The following PIK3CB variants were observed in gnomAD, a reference collection of about 807,000 sequenced individuals.
PIK3CB encodes the protein phosphatidylinositol-4,5-bisphosphate 3-kinase catalytic subunit beta, also known as phosphatidylinositol 4,5-bisphosphate 3-kinase catalytic subunit beta isoform.
Under a neutral mutation model 136.8 loss-of-function variants are expected in PIK3CB, and 39 were observed. That is an observed-to-expected ratio of 0.29 (90% CI 0.22 to 0.37). The LOEUF is 0.37. Among genes scored for constraint, PIK3CB ranks in the 10% least tolerant of loss-of-function variants. The pLI is 1.00. For synonymous variants in PIK3CB, 428 were observed against 436.6 expected (o/e 0.98, Z 0.25); for missense variants, 868 against 1,275.4 (o/e 0.68, Z 4.87).
chr3:138,769,229 C>CACTA (rs1284372669), intron 2 of PIK3CB, among the ~76,000 whole-genome samples: 13 of 152,222 alleles, frequency 8.5e-5, no homozygotes, highest in Non-Finnish European at 1.2e-4. Context: ...CCGCTGCCAT[C>CACTA]ACTACTATTT....
intron 19 of PIK3CB, among the ~76,000 whole-genome samples, chr3:138,678,541 A>T (rs1159988874): frequency 6.6e-6 from 1 of 152,198 alleles, no homozygotes; most frequent in Non-Finnish European, 1.5e-5. Flanking sequence ...TATAGTAATC[A>T]CAATAAACAA....
At chr3:138,698,164 T>G (rs1308714538) in intron 13 of PIK3CB, among the ~76,000 whole-genome samples, 1 of 152,220 alleles carries the variant, frequency 6.6e-6, no homozygotes, top group Non-Finnish European at 1.5e-5. Flanking sequence ...CTTCACTAAA[T>G]TTTTAGTCAC....
intron 21 of PIK3CB, among the ~76,000 whole-genome samples, chr3:138,659,176 A>T (rs1577037149): frequency 6.6e-6 from 1 of 152,190 alleles, no homozygotes; most frequent in Non-Finnish European, 1.5e-5. Flanking sequence ...CAGTTATGAC[A>T]ACTAAAACTG....
chr3:138,736,893 T>C (rs2045117791), intron 6 of PIK3CB, among the ~76,000 whole-genome samples: 1 of 152,212 alleles, frequency 6.6e-6, no homozygotes, highest in Non-Finnish European at 1.5e-5. Context: ...ATTGAAAAGT[T>C]TTCCTTTAGT....
At chr3:138,667,613 G>GT (rs2043442049) in intron 19 of PIK3CB, among the ~76,000 whole-genome samples, 1 of 151,082 alleles carries the variant, frequency 6.6e-6, no homozygotes, top group Non-Finnish European at 1.5e-5. Context: ...CCAGGCTGGA[G>GT]TGCAGTGGCG....
chr3:138,771,912 A>G (rs1490441938), intron 2 of PIK3CB, among the ~76,000 whole-genome samples: 3 of 127,506 alleles, frequency 2.4e-5, no homozygotes, highest in African/African-American at 9.1e-5. Flanking sequence ...ACAGAGCAAG[A>G]CTCAGTCTCA....
intron 5 of PIK3CB, among the ~76,000 whole-genome samples, chr3:138,738,505 A>T (rs566401352): frequency 1.3e-5 from 2 of 152,258 alleles, no homozygotes; most frequent in Admixed American, 6.5e-5. Flanking sequence ...ATATATTTTT[A>T]AAAACTTACA....
intron 8 of PIK3CB, among the ~76,000 whole-genome samples, chr3:138,719,527 G>A (rs183157108): frequency 6.6e-6 from 1 of 151,988 alleles, no homozygotes; most frequent in South Asian, 2.1e-4. Flanking sequence ...CTTTAACACC[G>A]GTCTAGCGTG....
At chr3:138,787,720 C>CTT (rs879420169) in intron 2 of PIK3CB, among the ~76,000 whole-genome samples, 2 of 133,096 alleles carry the variant, frequency 1.5e-5, no homozygotes, top group African/African-American at 5.4e-5. Context: ...CAAATGTATT[C>CTT]TTTTTTTTTT....
chr3:138,685,541 A>G (rs1437937107), intron 16 of PIK3CB, among the ~76,000 whole-genome samples: 1 of 152,020 alleles, frequency 6.6e-6, no homozygotes, highest in Non-Finnish European at 1.5e-5. Context: ...ACTTCCTAGT[A>G]TTAGAGAAAA....
In PIK3CB at chr3:138,699,010, T is replaced by C; in HGVS notation, c.1667A>G (p.Asp556Gly). ...PLSQLCENEMDLIWTLRQDCR... is the reference protein window; with the variant it reads ...PLSQLCENEMGLIWTLRQDCR... ...GTCTTGTCGCAAAGTCCAAATAAGA[T>C]CCATTTCATTTTCACACAGTTGAGA... Residue 556 changes from aspartate to glycine, a missense_variant, in exon 13 of 24, where the codon GAT becomes GGT. Around this residue, in one of 4 missense-constraint regions of PIK3CB, gnomAD observed 612 missense variants for 801.1 expected, o/e 0.76. Transcript: ENST00000674063. 6.2e-7 allele frequency: 1 copy of C among 1,606,152 alleles called. No homozygotes were observed. Among genetic ancestry groups the C allele is most frequent in the Non-Finnish European group, 8.5e-7 (1 of 1,174,378 alleles).
chr3:138,785,791 T>G (rs1290886986), intron 2 of PIK3CB, among the ~76,000 whole-genome samples: 1 of 143,258 alleles, frequency 7.0e-6, no homozygotes, highest in East Asian at 2.0e-4. Flanking sequence ...AATCCCCCGC[T>G]CCGAGAAACA....
intron 6 of PIK3CB, 77 bp downstream of exon 6, chr3:138,737,630 A>G (rs2045139759): frequency 2.2e-6 from 1 of 461,374 alleles, no homozygotes; most frequent in Admixed American, 4.8e-5. Context: ...ACACATTTTT[A>G]AAGTCAGAAA....
chr3:138,780,642 T>A (rs869187727), intron 2 of PIK3CB, among the ~76,000 whole-genome samples: 10 of 152,040 alleles, frequency 6.6e-5, no homozygotes, highest in African/African-American at 2.2e-4. Context: ...GTGGGCTAAA[T>A]GTTTTTAAAA....
At chr3:138,681,293 G>A (rs939454730) in intron 19 of PIK3CB, among the ~76,000 whole-genome samples, 7 of 151,990 alleles carry the variant, frequency 4.6e-5, no homozygotes, top group South Asian at 2.1e-4. Flanking sequence ...TGATCTGCCC[G>A]CTTTGGTCTC....
At chr3:138,741,783 G>A (rs2045250162) in intron 5 of PIK3CB, among the ~76,000 whole-genome samples, 1 of 151,390 alleles carries the variant, frequency 6.6e-6, no homozygotes, top group Admixed American at 6.6e-5. Context: ...AGCCAAGATT[G>A]CGCCATCGCA....
At chr3:138,685,420 A>AAAAG (rs1553722272) in intron 16 of PIK3CB, among the ~76,000 whole-genome samples, 68 of 86,976 alleles carry the variant, frequency 7.8e-4, no homozygotes, top group Middle Eastern at 6.9e-3. Context: ...AAAAAAAAAA[A>AAAAG]AAAGAAAGAA....
intron 12 of PIK3CB, among the ~76,000 whole-genome samples, chr3:138,702,516 G>A (rs2108543345): frequency 6.6e-6 from 1 of 152,284 alleles, no homozygotes; most frequent in Non-Finnish European, 1.5e-5. Context: ...GGTGGAAATA[G>A]TAAAAACTAA....
At chr3:138,763,997 G>A (rs1044902900) in intron 2 of PIK3CB, among the ~76,000 whole-genome samples, 4 of 151,834 alleles carry the variant, frequency 2.6e-5, no homozygotes, top group African/African-American at 7.3e-5. Context: ...TGTAATCCCA[G>A]CTACTTGGGA....
Sources: gnomAD v4.1 joint callset for allele counts (sites outside exome capture counted in the v4.1 genomes callset) on GRCh38, gnomAD v4.1.1 for gene constraint, gnomAD v4.1.1 regional missense constraint, MANE v1.5 for transcripts, NCBI Gene and HGNC (gene_info 2026-07-23, HGNC 2026-07-21) for gene names.